Variants in CTBP2 observed in about 807,000 individuals in gnomAD.
The protein encoded by CTBP2 is C-terminal binding protein 2.
A neutral mutation model predicts 80.3 loss-of-function variants in CTBP2; 30 were observed. That is an observed-to-expected ratio of 0.37 (90% CI 0.28 to 0.51). CTBP2 has a LOEUF of 0.51. CTBP2 is among the 20% of genes least tolerant of loss of function. The pLI is 0.93. For missense variants in CTBP2, 1,212 were observed against 1,375.3 expected (o/e 0.88, Z 1.88); for synonymous variants, 594 against 587.4 (o/e 1.01, Z -0.16).
At chr10:125,015,672 C>T (rs1297503160) in intron 1 of CTBP2, among the ~76,000 whole-genome samples, 1 of 152,236 alleles carries the variant, frequency 6.6e-6, no homozygotes, top group Non-Finnish European at 1.5e-5. Flanking sequence ...GCGCCTCGCC[C>T]GCCCGCTGTG....
intron 1 of CTBP2, among the ~76,000 whole-genome samples, chr10:125,112,144 ACTCTGTC>A (rs1852387566): frequency 7.8e-6 from 1 of 128,904 alleles, no homozygotes; most frequent in Non-Finnish European, 1.6e-5. Flanking sequence ...AAAGAGTCTC[ACTCTGTC>A]ACCCAGGCTG....
At position 124,989,649 on chromosome 10, in the gene CTBP2, T is replaced by C; in HGVS notation, c.2827A>G (p.Met943Val). ...ATGCCTCCAGGGATGATCCCTTCCA[T>C]GGCTGCAGGAAGTCCTCCTGGAGCC... Residue 943 changes from methionine to valine, a missense_variant, in exon 9 of 9, where the codon ATG becomes GTG. This residue lies in a region of CTBP2 where 335 missense variants were observed against 504.7 expected (regional missense o/e 0.66). Transcript: ENST00000309035. The C allele has an allele frequency of 1.2e-6, 2 of 1,608,582 alleles. No homozygotes were observed. The highest frequency in any genetic ancestry group is 2.2e-5 in the South Asian group (2 of 90,122).
At chr10:125,157,835 G>T (rs1861204044) in intron 1 of CTBP2, among the ~76,000 whole-genome samples, 1 of 152,124 alleles carries the variant, frequency 6.6e-6, no homozygotes, top group South Asian at 2.1e-4. Flanking sequence ...AAGAGGGCCT[G>T]TTTTTTTGCT....
chr10:125,010,801 C>T (rs908281552), intron 1 of CTBP2, among the ~76,000 whole-genome samples: 5 of 152,166 alleles, frequency 3.3e-5, no homozygotes, highest in African/African-American at 1.2e-4. Context: ...ACCTTCTAAA[C>T]TTAGAAAGCG....
chr10:125,057,421 A>G (rs1964158989), intron 2 of CTBP2, among the ~76,000 whole-genome samples: 1 of 152,130 alleles, frequency 6.6e-6, no homozygotes, highest in Non-Finnish European at 1.5e-5. Context: ...CCTCTAAACA[A>G]CAGGCCAAAC....
intron 1 of CTBP2, among the ~76,000 whole-genome samples, chr10:125,007,950 C>CTT (rs577913784): frequency 6.9e-6 from 1 of 145,028 alleles, no homozygotes; most frequent in Admixed American, 6.9e-5. Flanking sequence ...CTGGCTCTGG[C>CTT]TTTTTTTTTT....
intron 1 of CTBP2, among the ~76,000 whole-genome samples, chr10:125,010,180 AG>A (rs1257692347): frequency 6.6e-6 from 1 of 150,576 alleles, no homozygotes; most frequent in African/African-American, 2.4e-5. Context: ...ATAATTTGGA[AG>A]AAAATCTGTG....
chr10:125,011,934 C>T (rs962068737), intron 1 of CTBP2, among the ~76,000 whole-genome samples: 1 of 152,212 alleles, frequency 6.6e-6, no homozygotes, highest in Non-Finnish European at 1.5e-5. Context: ...TTCACCTAAC[C>T]CCGGGTGCAG....
At chr10:125,154,918 G>A (rs187389480) in intron 1 of CTBP2, among the ~76,000 whole-genome samples, 9 of 152,292 alleles carry the variant, frequency 5.9e-5, no homozygotes, top group Non-Finnish European at 1.3e-4. Flanking sequence ...TCTCCCTAAT[G>A]CTACCAACAG....
chr10:125,030,146 C>CCA (rs3068310), upstream of CTBP2, among the ~76,000 whole-genome samples: 643 of 150,184 alleles, frequency 4.3e-3, 2 homozygotes, highest in African/African-American at 0.014. Context: ...TACACAAACA[C>CCA]CACACACACA....
upstream of CTBP2, chr10:125,028,143 A>T (rs904655541): frequency 5.4e-6 from 1 of 184,318 alleles, no homozygotes; most frequent in Non-Finnish European, 1.1e-5. Flanking sequence ...TCCATGTGAC[A>T]TCTCGTTAGA....
At chr10:125,044,976 T>C (rs1165174424) in intron 2 of CTBP2, among the ~76,000 whole-genome samples, 1 of 152,174 alleles carries the variant, frequency 6.6e-6, no homozygotes, top group Non-Finnish European at 1.5e-5. Context: ...ATGGAGCCAA[T>C]TTTCAGAACG....
chr10:125,023,750 G>A (rs1957278890), intron 1 of CTBP2, among the ~76,000 whole-genome samples: 7 of 152,152 alleles, frequency 4.6e-5, no homozygotes. Flanking sequence ...GATAAGGCAG[G>A]TAGTTCGTGG....
At chr10:125,020,681 G>A (rs987077112) in intron 1 of CTBP2, among the ~76,000 whole-genome samples, 16 of 152,080 alleles carry the variant, frequency 1.1e-4, no homozygotes, top group South Asian at 4.1e-4. Flanking sequence ...ATCATTTGTC[G>A]ACCTCTTCCC....
chr10:124,992,155 C>CA (rs1196384074), intron 8 of CTBP2, among the ~76,000 whole-genome samples: 1 of 148,350 alleles, frequency 6.7e-6, no homozygotes, highest in African/African-American at 2.5e-5. Flanking sequence ...AACTTGCTCA[C>CA]AGGCCTTTGC....
intron 2 of CTBP2, among the ~76,000 whole-genome samples, chr10:125,108,136 C>T (rs1469127276): frequency 1.3e-5 from 2 of 152,190 alleles, no homozygotes; most frequent in Non-Finnish European, 2.9e-5. Context: ...ACATACAGAA[C>T]AGATAGTAAA....
At chr10:124,997,374 C>CATTAAAA in intron 4 of CTBP2, 2 of 156,638 alleles carry the variant, frequency 1.3e-5, no homozygotes, top group Admixed American at 6.1e-5. Flanking sequence ...CCCATGGAAT[C>CATTAAAA]AGGCTGCTTA....
At chr10:125,008,944 A>G (rs1177740342) in intron 1 of CTBP2, among the ~76,000 whole-genome samples, 1 of 152,196 alleles carries the variant, frequency 6.6e-6, no homozygotes, top group Non-Finnish European at 1.5e-5. Flanking sequence ...ACCTTTCTCA[A>G]CATTCCACAA....
At chr10:125,067,016 T>C (rs924697558) in intron 2 of CTBP2, among the ~76,000 whole-genome samples, 1 of 152,222 alleles carries the variant, frequency 6.6e-6, no homozygotes, top group Admixed American at 6.5e-5. Context: ...GGGCGACTCC[T>C]ACTGATGGAC....
Sources: allele counts gnomAD v4.1 joint callset (sites outside exome capture counted in the v4.1 genomes callset), GRCh38; gene constraint gnomAD v4.1.1; regional missense constraint gnomAD v4.1.1; transcripts MANE v1.5; gene names NCBI Gene and HGNC (gene_info 2026-07-23, HGNC 2026-07-21).